The following PLPP3 variants were observed in gnomAD, a reference collection of about 807,000 sequenced individuals.
PLPP3 encodes phospholipid phosphatase 3, also known as PAP2 beta.
In PLPP3, 6 loss-of-function variants were observed where a neutral mutation model predicts 29.6. The observed-to-expected ratio is 0.20, with a 90% confidence interval of 0.11 to 0.40. The LOEUF is 0.40. Ranked by LOEUF, PLPP3 falls within the 10% of genes least tolerant of loss-of-function variation. The pLI, the probability that PLPP3 is intolerant of heterozygous loss-of-function variation, is 1.00. For missense variants in PLPP3, 308 were observed against 407.7 expected (o/e 0.76, Z 2.11); for synonymous variants, 152 against 159.7 (o/e 0.95, Z 0.36).
intron 4 of PLPP3, among the ~76,000 whole-genome samples, chr1:56,515,354 C>T (rs1645774172): frequency 6.6e-6 from 1 of 152,112 alleles, no homozygotes; most frequent in Admixed American, 6.5e-5. Flanking sequence ...TTCAACCATT[C>T]CCCCTGCCCC....
At position 56,502,708 on chromosome 1, in the gene PLPP3, C is replaced by T. The variant is rs1645676352; in HGVS notation, c.811-6032G>A. On this transcript the variant is annotated intron_variant, in intron 5 of 5. Coordinates refer to ENST00000371250, the MANE Select transcript of PLPP3 (RefSeq NM_003713.5). ...CCCATATTGAACTTTAATAACCTTC[C>T]ATCTTAGTGTTAGGCCGTAGGCTTT... Among the ~76,000 whole-genome samples the T allele has an allele frequency of 2.0e-5, 3 of 152,178 alleles. No homozygotes were observed. The South Asian group carries it at 6.2e-4, about 32-fold the overall frequency.
At chr1:56,512,262 T>A in intron 4 of PLPP3, 110 bp from the exon 5 acceptor site, 1 of 1,062,574 alleles carries the variant, frequency 9.4e-7, no homozygotes, top group East Asian at 2.9e-5. Context: ...CATCTGGACC[T>A]TGGGTGGCAT....
chr1:56,537,309 C>T (rs566232383), intron 1 of PLPP3, among the ~76,000 whole-genome samples, 197 bp from the exon 2 acceptor site: 1 of 152,084 alleles, frequency 6.6e-6, no homozygotes, highest in African/African-American at 2.4e-5. Flanking sequence ...CCTTTCCACA[C>T]CCCCATGAGG....
intron 1 of PLPP3, among the ~76,000 whole-genome samples, chr1:56,567,838 T>C (rs1250486446): frequency 5.3e-5 from 8 of 152,212 alleles, no homozygotes; most frequent in Non-Finnish European, 1.0e-4. Flanking sequence ...AAAGCATTTA[T>C]ATGGATATTC....
intron 5 of PLPP3, among the ~76,000 whole-genome samples, chr1:56,506,058 T>G (rs779287364): frequency 2.6e-4 from 39 of 152,326 alleles, no homozygotes; most frequent in Non-Finnish European, 4.1e-4. Flanking sequence ...AGAGCTAGAC[T>G]TCTGCAGGGC....
intron 1 of PLPP3, among the ~76,000 whole-genome samples, chr1:56,575,468 T>G (rs1646229294): frequency 6.6e-6 from 1 of 152,240 alleles, no homozygotes; most frequent in Admixed American, 6.5e-5. Flanking sequence ...ATAGCACGGT[T>G]GCTGACCACC....
chr1:56,523,918 C>T, intron 3 of PLPP3, 38 bp from the exon 4 acceptor site: 1 of 1,594,300 alleles, frequency 6.3e-7, no homozygotes, highest in Non-Finnish European at 8.6e-7. Context: ...GGGCCGTATT[C>T]ACATCCCTGA....
At chr1:56,547,511 T>C (rs1458644902) in intron 1 of PLPP3, among the ~76,000 whole-genome samples, 3 of 152,174 alleles carry the variant, frequency 2.0e-5, no homozygotes, top group Non-Finnish European at 4.4e-5. Flanking sequence ...AGGAATTGTT[T>C]ACAGGGATCC....
In PLPP3 at chr1:56,495,246, T is replaced by C. The variant is rs573361350; in HGVS notation, c.*1305A>G. 1 of 152,768 alleles carries C rather than the reference T, an allele frequency of 6.5e-6. No individual in the cohort carries two copies. The highest frequency in any genetic ancestry group is 6.5e-5 in the Admixed American group (1 of 15,296). 9.5% of individuals were successfully genotyped at this position (152,768 alleles called of 1,614,324 possible). A position where few individuals can be genotyped will look rare whatever the true frequency, so the allele number is the denominator to read the frequency against. ...ATCCATATGGTTACATTTAACCCTT[T>C]GAAAGGTCTGCATCCAAGATCTAAA... On this transcript the variant is annotated 3_prime_UTR_variant, in exon 6 of 6. Coordinates refer to ENST00000371250, the MANE Select transcript of PLPP3 (RefSeq NM_003713.5).
chr1:56,525,451 C>A (rs996555003), intron 2 of PLPP3, among the ~76,000 whole-genome samples: 1 of 152,110 alleles, frequency 6.6e-6, no homozygotes, highest in African/African-American at 2.4e-5. Flanking sequence ...TGAAAATAAT[C>A]CACCAATTAC....
chr1:56,524,339 G>A lies in PLPP3; in HGVS notation c.513C>T (p.Cys171=). ...TGTAGTTCTGAATGTAGCCTTCAGA[G>A]CAGTTGATCTGGCTGAAATCAGGGT... ...VCNPDFSQIN[C]SEGYIQNYRC... Residue 171 remains cysteine (C), a synonymous_variant, in exon 3 of 6, where the codon TGC becomes TGT. Transcript: ENST00000371250. This position sits in a 1 kb window ranked among gnomAD's most constrained non-coding sequence, Gnocchi z 4.3. 3 of 1,614,070 alleles carry A rather than the reference G, an allele frequency of 1.9e-6. No homozygotes were observed. The highest frequency in any genetic ancestry group is 2.5e-6 in the Non-Finnish European group (3 of 1,179,960).
In PLPP3 at chr1:56,524,793, T is replaced by C. The variant is rs1439263831; in HGVS notation, c.298-239A>G. 7.0e-6 allele frequency among the ~76,000 whole-genome samples: 1 copy of C among 142,214 alleles called. No individual in the cohort carries two copies. The highest frequency in any genetic ancestry group is 1.5e-5 in the Non-Finnish European group (1 of 65,216). 93.3% of individuals were successfully genotyped at this position (142,214 alleles called of 152,430 possible). On this transcript the variant is annotated intron_variant, in intron 2 of 5. Coordinates refer to ENST00000371250, the MANE Select transcript of PLPP3 (RefSeq NM_003713.5). The surrounding 1 kb of genome is among the most constrained non-coding windows in gnomAD (Gnocchi z 4.3). ...AAATATACAACCAAATATATTTATA[T>C]GTATATATGTGTATGTGTGTGTGTG...
At chr1:56,556,002 GA>G (rs1646074168) in intron 1 of PLPP3, among the ~76,000 whole-genome samples, 1 of 152,134 alleles carries the variant, frequency 6.6e-6, no homozygotes, top group Non-Finnish European at 1.5e-5. Context: ...TTCTATTCAT[GA>G]GTAGGAAACA....
intron 4 of PLPP3, among the ~76,000 whole-genome samples, chr1:56,518,000 T>A (rs1377904643): frequency 6.6e-6 from 1 of 152,158 alleles, no homozygotes; most frequent in Non-Finnish European, 1.5e-5. Flanking sequence ...AGAGAATGCA[T>A]CCAGCTGTTT....
In PLPP3 at chr1:56,495,713, C is replaced by T. The variant is rs573326294; in HGVS notation, c.*838G>A. The T allele has an allele frequency of 7.9e-5, 12 of 152,778 alleles. No homozygotes were observed. Among genetic ancestry groups the T allele is most frequent in the Admixed American group, 7.2e-4 (11 of 15,306 alleles). 9.5% of individuals were successfully genotyped at this position (152,778 alleles called of 1,614,324 possible). ...CTCACAGGAAATCCTGGTGGGCACGCAGCAAGGATTTCAAGGGAGAAGGCA... is the reference window on the plus strand; with the variant it reads ...CTCACAGGAAATCCTGGTGGGCACGTAGCAAGGATTTCAAGGGAGAAGGCA... On this transcript the variant is annotated 3_prime_UTR_variant, in exon 6 of 6. Transcript: ENST00000371250.
intron 2 of PLPP3, among the ~76,000 whole-genome samples, chr1:56,535,023 C>T (rs1375798706): frequency 6.6e-6 from 1 of 152,158 alleles, no homozygotes; most frequent in African/African-American, 2.4e-5. Flanking sequence ...TGTCACTTCA[C>T]CATTTTTTGA....
chr1:56,554,583 A>C (rs1213847868), intron 1 of PLPP3, among the ~76,000 whole-genome samples: 1 of 152,036 alleles, frequency 6.6e-6, no homozygotes. Context: ...AAAAAAAAAA[A>C]AAAAGAAATA....
intron 4 of PLPP3, among the ~76,000 whole-genome samples, chr1:56,521,495 G>A (rs531832263): frequency 9.9e-5 from 15 of 152,218 alleles, no homozygotes; most frequent in Admixed American, 2.6e-4. Flanking sequence ...TCTGAAGAGC[G>A]TATGTGCACA....
At chr1:56,529,023 G>T (rs1777279) in intron 2 of PLPP3, among the ~76,000 whole-genome samples, 2 of 151,474 alleles carry the variant, frequency 1.3e-5, no homozygotes, top group African/African-American at 4.9e-5. Flanking sequence ...ATCTTCCACC[G>T]CTGAGTCTGA....
Sources: allele counts gnomAD v4.1 joint callset (sites outside exome capture counted in the v4.1 genomes callset), GRCh38; gene constraint gnomAD v4.1.1; non-coding constraint Gnocchi (gnomAD v3.1); transcripts MANE v1.5; gene names NCBI Gene and HGNC (gene_info 2026-07-23, HGNC 2026-07-21).